Variants in GARNL3 observed in about 807,000 individuals in gnomAD.
The protein encoded by GARNL3 is GTPase activating Rap/RanGAP domain like 3, also known as GTPase-activating Rap/Ran-GAP domain-like protein 3.
Under a neutral mutation model 125.0 loss-of-function variants are expected in GARNL3, and 63 were observed. The observed-to-expected ratio is 0.50, with a 90% confidence interval of 0.41 to 0.62. GARNL3 has a LOEUF of 0.62. GARNL3 is among the 20% of genes least tolerant of loss of function. The pLI, the probability that GARNL3 is intolerant of heterozygous loss-of-function variation, is 0.00. For missense variants in GARNL3, 994 were observed against 1,244.0 expected, an observed-to-expected ratio of 0.80 and a Z score of 3.02; for synonymous variants, 439 against 457.5, an observed-to-expected ratio of 0.96 and a Z score of 0.52.
rs972702776 is a variant in GARNL3, at chr9:127,384,588, C to T, written c.2270-439C>T. 1.3e-5 allele frequency among the ~76,000 whole-genome samples: 2 copies of T among 152,080 alleles called. No homozygotes were observed. The highest frequency in any genetic ancestry group is 6.5e-5 in the Admixed American group (1 of 15,270). On this transcript the variant is annotated intron_variant, in intron 23 of 27. Coordinates refer to ENST00000373387, the MANE Select transcript of GARNL3 (RefSeq NM_032293.5). This position sits in a 1 kb window ranked among gnomAD's most constrained non-coding sequence, Gnocchi z 4.0. ...CAGCTGGAGGAGCACATGGGAGGAGCGAGGAGCACTGAGGGACACCAGGGC... is the reference window on the plus strand; with the variant it reads ...CAGCTGGAGGAGCACATGGGAGGAGTGAGGAGCACTGAGGGACACCAGGGC...
At chr9:127,307,494 A>G (rs1404952735) in intron 2 of GARNL3, among the ~76,000 whole-genome samples, 3 of 152,232 alleles carry the variant, frequency 2.0e-5, no homozygotes, top group African/African-American at 7.2e-5. Context: ...CGTTCATGAC[A>G]GTGTTGCTTT....
Position 127,393,162 on chromosome 9 carries a change from C to A in GARNL3, c.2950C>A (p.Pro984Thr). The change falls in exon 28 of 28, where the codon CCT (proline) becomes ACT (threonine). Residue 984 changes from proline (P) to threonine (T), a missense_variant. Transcript: ENST00000373387. ...EGHSASSDQDPVADREGSPVS... is the reference protein window; with the variant it reads ...EGHSASSDQDTVADREGSPVS... ...GCACTCAGCCAGCTCTGACCAGGAC[C>A]CTGTGGCAGACAGAGAGGGCAGCCC... 6.2e-7 allele frequency: 1 copy of A among 1,613,882 alleles called. No individual in the cohort carries two copies. Among genetic ancestry groups the A allele is most frequent in the East Asian group, 2.2e-5 (1 of 44,882 alleles).
chr9:127,293,046 A>T (rs1191258599), intron 2 of GARNL3, among the ~76,000 whole-genome samples: 1 of 152,220 alleles, frequency 6.6e-6, no homozygotes, highest in African/African-American at 2.4e-5. Flanking sequence ...TTTTATTTCC[A>T]CCGAAACTAC....
intron 2 of GARNL3, among the ~76,000 whole-genome samples, chr9:127,294,260 A>C (rs1733498548): frequency 6.6e-6 from 1 of 152,134 alleles, no homozygotes; most frequent in African/African-American, 2.4e-5. Flanking sequence ...TTTCAGTTTT[A>C]ATTGGCAATT....
At chr9:127,355,652 C>T (rs1005346952) in intron 20 of GARNL3, among the ~76,000 whole-genome samples, 180 bp downstream of exon 20, 5 of 152,198 alleles carry the variant, frequency 3.3e-5, no homozygotes, top group African/African-American at 1.2e-4. Context: ...CTCATTCATT[C>T]CAGTGAACAT....
chr9:127,373,490 T>C (rs1408135882), intron 22 of GARNL3, among the ~76,000 whole-genome samples: 2 of 152,176 alleles, frequency 1.3e-5, no homozygotes, highest in East Asian at 1.9e-4. Context: ...ATCAGCCGGG[T>C]CCGATGGCTC....
Position 127,293,180 on chromosome 9 carries a change from G to C in GARNL3, c.219+1938G>C, listed in dbSNP as rs187220866. Among the ~76,000 whole-genome samples the C allele has an allele frequency of 2.9e-4, 44 of 152,274 alleles. No homozygotes were observed. In the East Asian group the frequency reaches 6.8e-3, roughly 23 times the overall value. On this transcript the variant is annotated intron_variant, in intron 2 of 27. Coordinates refer to ENST00000373387, the MANE Select transcript of GARNL3 (RefSeq NM_032293.5). ...CTTGTGGGCACTTGACTTCCAGAGG[G>C]AAAAAACAGCTGGCTTTCTCTGAAT... is the stretch of plus-strand genomic sequence containing the variant.
chr9:127,373,575 A>T (rs1831720602), intron 22 of GARNL3, among the ~76,000 whole-genome samples: 2 of 152,110 alleles, frequency 1.3e-5, no homozygotes, highest in African/African-American at 4.8e-5. Flanking sequence ...AACCAGCCTG[A>T]GCAATATAGT....
intron 5 of GARNL3, among the ~76,000 whole-genome samples, chr9:127,318,758 G>T (rs1198659575): frequency 1.3e-5 from 2 of 152,130 alleles, no homozygotes; most frequent in Admixed American, 1.3e-4. Context: ...TTTGTTACCA[G>T]CTAAGATGTT....
chr9:127,335,349 C>A lies in GARNL3; in HGVS notation c.873+16C>A, dbSNP rs746394150. ...CAAACAGCAGGTACATGTGAACATA[C>A]AAACCATCAAATAGTGATGTGAATG... is the stretch of plus-strand genomic sequence containing the variant. On this transcript the variant is annotated intron_variant, in intron 10 of 27. Transcript: ENST00000373387. 1 of 1,530,496 alleles carries A rather than the reference C, an allele frequency of 6.5e-7. No homozygotes were observed. Among genetic ancestry groups the A allele is most frequent in the Admixed American group, 1.7e-5 (1 of 59,916 alleles). The allele number at this position is 1,530,496 out of a possible 1,614,324, so 94.8% of individuals were successfully genotyped here. A position where few individuals can be genotyped will look rare whatever the true frequency, so the allele number is the denominator to read the frequency against.
chr9:127,262,814 G>A (rs1336476005), upstream of GARNL3, among the ~76,000 whole-genome samples: 1 of 152,238 alleles, frequency 6.6e-6, no homozygotes, highest in Non-Finnish European at 1.5e-5. Context: ...CAGGCAGTAG[G>A]CCAGACACTG....
intron 1 of GARNL3, among the ~76,000 whole-genome samples, chr9:127,274,114 G>A (rs566204384): frequency 3.2e-4 from 49 of 152,190 alleles, no homozygotes; most frequent in East Asian, 1.2e-3. Flanking sequence ...GTATCTAGCC[G>A]TTAACAGCAT....
intron 1 of GARNL3, among the ~76,000 whole-genome samples, chr9:127,279,803 C>T (rs2064058077): frequency 2.0e-5 from 3 of 151,922 alleles, no homozygotes; most frequent in Non-Finnish European, 2.9e-5. Flanking sequence ...AAACAAAGAG[C>T]TATTCAGACC....
In GARNL3 at chr9:127,354,484, A is replaced by G. The variant is rs532872894; in HGVS notation, c.1759+74A>G. The G allele has an allele frequency of 5.1e-4, 424 of 837,190 alleles. 1 individual carries two copies. The highest frequency in any genetic ancestry group is 7.6e-4 in the Non-Finnish European group (392 of 512,610). The allele number at this position is 837,190 out of a possible 1,614,324, so 51.9% of individuals were successfully genotyped here. On this transcript the variant is annotated intron_variant, in intron 19 of 27. Coordinates refer to ENST00000373387, the MANE Select transcript of GARNL3 (RefSeq NM_032293.5). ...TCAGGCTGCCCAGGTTTTACTGAAA[A>G]TAAAAATGAGTAGGAATTTGATCTT...
intron 2 of GARNL3, among the ~76,000 whole-genome samples, chr9:127,299,202 A>G (rs1343751963): frequency 6.6e-6 from 1 of 151,514 alleles, no homozygotes; most frequent in Non-Finnish European, 1.5e-5. Context: ...CTGTAGATCC[A>G]GCTACTCGGG....
At chr9:127,320,942 A>G (rs1213323250) in intron 6 of GARNL3, among the ~76,000 whole-genome samples, 164 bp downstream of exon 6, 2 of 152,174 alleles carry the variant, frequency 1.3e-5, no homozygotes, top group Admixed American at 1.3e-4. Context: ...TTCTGATTTG[A>G]TGGGTCTATG....
chr9:127,342,636 G>C (rs1829922715), intron 14 of GARNL3, among the ~76,000 whole-genome samples: 1 of 152,132 alleles, frequency 6.6e-6, no homozygotes, highest in Non-Finnish European at 1.5e-5. Flanking sequence ...ATTGAAGAGT[G>C]CTTTTTTTGG....
chr9:127,386,121 C>T (rs1332925661), intron 24 of GARNL3, among the ~76,000 whole-genome samples: 1 of 152,170 alleles, frequency 6.6e-6, no homozygotes, highest in African/African-American at 2.4e-5. Context: ...CTCTTGTATC[C>T]ATAGCCAACC....
intron 2 of GARNL3, chr9:127,300,582 G>A (rs2064752615): frequency 2.9e-5 from 9 of 309,434 alleles, no homozygotes; most frequent in South Asian, 2.1e-4. Context: ...AGCCTCCAGA[G>A]TAGCTGGGAC....
Sources: gnomAD v4.1 joint callset for allele counts (sites outside exome capture counted in the v4.1 genomes callset) on GRCh38, gnomAD v4.1.1 for gene constraint, Gnocchi (gnomAD v3.1) non-coding constraint, MANE v1.5 for transcripts, NCBI Gene and HGNC (gene_info 2026-07-23, HGNC 2026-07-21) for gene names.